Variants in SMIM14 observed in about 807,000 individuals in gnomAD.
SMIM14 encodes the protein chromosome 4 open reading frame 34.
Under a neutral mutation model 12.6 loss-of-function variants are expected in SMIM14, and 5 were observed. The observed-to-expected ratio is 0.40, with a 90% CI of 0.21 to 0.83. SMIM14 has a LOEUF of 0.83. Among genes scored for constraint, SMIM14 ranks in the 40% least tolerant of loss-of-function variants. SMIM14 has a pLI of 0.37. For missense variants in SMIM14, 86 were observed against 119.1 expected (o/e 0.72, Z 1.29); for synonymous variants, 30 against 40.1 (o/e 0.75, Z 0.95).
intron 1 of SMIM14, among the ~76,000 whole-genome samples, chr4:39,617,794 G>T (rs995450324): frequency 6.6e-6 from 1 of 152,150 alleles, no homozygotes; most frequent in Admixed American, 6.5e-5. Context: ...TCTAAACAAT[G>T]AAACAGTGTA....
chr4:39,622,386 A>C (rs114488819), intron 1 of SMIM14, among the ~76,000 whole-genome samples: 1,714 of 148,358 alleles, frequency 0.012, 25 homozygotes, highest in African/African-American at 0.04. Context: ...CCGGCCACAA[A>C]TGCATGTTTT....
At chr4:39,585,585 C>G (rs1405596493) in intron 2 of SMIM14, among the ~76,000 whole-genome samples, 1 of 152,060 alleles carries the variant, frequency 6.6e-6, no homozygotes, top group Non-Finnish European at 1.5e-5. Flanking sequence ...GCATGAGCCA[C>G]TGCGCCCAGC....
chr4:39,570,162 TG>T (rs1712810540), intron 3 of SMIM14, among the ~76,000 whole-genome samples: 1 of 152,156 alleles, frequency 6.6e-6, no homozygotes, highest in South Asian at 2.1e-4. Flanking sequence ...ATCTTTTTTT[TG>T]TTTTTTTTTC....
intron 3 of SMIM14, among the ~76,000 whole-genome samples, chr4:39,571,530 T>C (rs1313543686): frequency 6.6e-6 from 1 of 152,020 alleles, no homozygotes; most frequent in African/African-American, 2.4e-5. Context: ...CAGTGAGCCA[T>C]GATCGCACAA....
chr4:39,592,810 G>A (rs1714171900), intron 2 of SMIM14: 1 of 152,182 alleles, frequency 6.6e-6, no homozygotes, highest in African/African-American at 2.4e-5. Flanking sequence ...TAGAAGAAAT[G>A]GTTAAATTCC....
At chr4:39,574,237 C>CTTTTTTTTTTTT (rs11338888) in intron 2 of SMIM14, among the ~76,000 whole-genome samples, 7 of 126,884 alleles carry the variant, frequency 5.5e-5, no homozygotes, top group South Asian at 2.5e-4. Flanking sequence ...CTGCAACTTT[C>CTTTTTTTTTTTT]TTTTTTTTTT....
At chr4:39,557,043 C>G (rs1371823106) in intron 3 of SMIM14, among the ~76,000 whole-genome samples, 1 of 140,076 alleles carries the variant, frequency 7.1e-6, no homozygotes, top group African/African-American at 2.7e-5. Flanking sequence ...GAGATGGAGT[C>G]TCACTCTGTT....
chr4:39,590,022 C>CAAAAAA, intron 2 of SMIM14, among the ~76,000 whole-genome samples: 1 of 71,352 alleles, frequency 1.4e-5, no homozygotes, highest in African/African-American at 5.6e-5. Context: ...GACTCTGTTT[C>CAAAAAA]AAAAAAAAAA....
intron 2 of SMIM14, among the ~76,000 whole-genome samples, chr4:39,596,682 T>C (rs1163623890): frequency 6.6e-6 from 1 of 152,202 alleles, no homozygotes; most frequent in South Asian, 2.1e-4. Flanking sequence ...TGCAAAAACA[T>C]TGTACTGACT....
intron 1 of SMIM14, chr4:39,638,107 T>C (rs1716170846): frequency 6.6e-6 from 1 of 152,210 alleles, no homozygotes; most frequent in Non-Finnish European, 1.5e-5. Context: ...GGACTTCGGG[T>C]AGAGCCGGTA....
chr4:39,547,495 T>C lies in SMIM14; in HGVS notation c.*4631A>G, dbSNP rs185065212. 1 of 152,354 alleles carries C rather than the reference T, an allele frequency of 6.6e-6. No individual in the cohort carries two copies. Among genetic ancestry groups the C allele is most frequent in the East Asian group, 1.9e-4 (1 of 5,190 alleles). 9.4% of individuals were successfully genotyped at this position (152,354 alleles called of 1,614,324 possible). A position where few individuals can be genotyped will look rare whatever the true frequency, so the allele number is the denominator to read the frequency against. On this transcript the variant is annotated 3_prime_UTR_variant, in exon 5 of 5. Transcript: ENST00000295958. ...ACCACTTTTGCTTTTAACAAACTAATCTTCACACATGGTAACAAATACCTA... is the reference window on the plus strand; with the variant it reads ...ACCACTTTTGCTTTTAACAAACTAACCTTCACACATGGTAACAAATACCTA...
At chr4:39,581,518 C>CTTTTTTTTTTTT (rs1432369898) in intron 2 of SMIM14, among the ~76,000 whole-genome samples, 15 of 132,076 alleles carry the variant, frequency 1.1e-4, no homozygotes, top group Non-Finnish European at 1.8e-4. Flanking sequence ...TTTTCTTTTT[C>CTTTTTTTTTTTT]TTTTTTTTTT....
In SMIM14 at chr4:39,556,891, G is replaced by A. The variant is rs116323405; in HGVS notation, c.125-321C>T. Among the ~76,000 whole-genome samples, 513 of 152,232 alleles carry A rather than the reference G, an allele frequency of 3.4e-3. 6 individuals are homozygous for A. The highest frequency in any genetic ancestry group is 0.012 in the African/African-American group (492 of 41,548). On this transcript the variant is annotated intron_variant, in intron 3 of 4. Coordinates refer to ENST00000295958, the MANE Select transcript of SMIM14 (RefSeq NM_174921.3). ...CAGCCTTAACCTTCTATGTTCATGG[G>A]ATCCTCTCACCTCAGCCTCCTGAGT...
intron 2 of SMIM14, among the ~76,000 whole-genome samples, chr4:39,580,590 G>A (rs893974311): frequency 1.3e-5 from 2 of 151,810 alleles, no homozygotes; most frequent in African/African-American, 2.4e-5. Flanking sequence ...ACAGTGGTGC[G>A]ATCTTGGCTT....
At chr4:39,613,918 G>C (rs998250190) in intron 1 of SMIM14, among the ~76,000 whole-genome samples, 7 of 152,060 alleles carry the variant, frequency 4.6e-5, no homozygotes, top group Non-Finnish European at 1.0e-4. Context: ...AGCCAGGCAC[G>C]GTGGGCTCAT....
intron 1 of SMIM14, among the ~76,000 whole-genome samples, chr4:39,635,615 GA>G (rs1716059133): frequency 6.6e-6 from 1 of 152,070 alleles, no homozygotes; most frequent in Non-Finnish European, 1.5e-5. Flanking sequence ...CAAAGAAAAA[GA>G]AACTAGATTA....
intron 3 of SMIM14, among the ~76,000 whole-genome samples, chr4:39,564,636 AC>A: frequency 6.6e-6 from 1 of 152,310 alleles, no homozygotes; most frequent in East Asian, 1.9e-4. Flanking sequence ...GATAAAGATA[AC>A]CTGAATGGAA....
chr4:39,566,827 C>T (rs745553646), intron 3 of SMIM14, among the ~76,000 whole-genome samples: 5 of 152,044 alleles, frequency 3.3e-5, no homozygotes, highest in African/African-American at 7.2e-5. Flanking sequence ...ATTAGCCAGG[C>T]GTGGTGGCGT....
At chr4:39,616,163 A>T (rs1715215753) in intron 1 of SMIM14, among the ~76,000 whole-genome samples, 1 of 151,840 alleles carries the variant, frequency 6.6e-6, no homozygotes, top group African/African-American at 2.4e-5. Context: ...TGAGGCTGAG[A>T]CTCACTCTGT....
Sources: allele counts gnomAD v4.1 joint callset (sites outside exome capture counted in the v4.1 genomes callset), GRCh38; gene constraint gnomAD v4.1.1; transcripts MANE v1.5; gene names NCBI Gene and HGNC (gene_info 2026-07-23, HGNC 2026-07-21).